STK32A: variants seen among roughly 807,000 people sequenced by gnomAD.
STK32A encodes the protein serine/threonine-protein kinase 32A.
Under a neutral mutation model 53.2 loss-of-function variants are expected in STK32A, and 41 were observed. The observed-to-expected ratio is 0.77, with a 90% CI of 0.60 to 1.00. STK32A has a LOEUF of 1.00. Ranked by LOEUF, STK32A falls within the 50% of genes least tolerant of loss-of-function variation. The pLI, the probability that STK32A is intolerant of heterozygous loss-of-function variation, is 0.00. For synonymous variants in STK32A, 166 were observed against 162.8 expected, an observed-to-expected ratio of 1.02 and a Z score of -0.15; for missense variants, 458 against 485.8, an observed-to-expected ratio of 0.94 and a Z score of 0.54.
At chr5:147,336,127 C>A (rs538979257) in intron 5 of STK32A, among the ~76,000 whole-genome samples, 21 of 152,184 alleles carry the variant, frequency 1.4e-4, no homozygotes, top group South Asian at 6.2e-4. Flanking sequence ...ACTCATGCAA[C>A]CTAAAGCATA....
intron 7 of STK32A, among the ~76,000 whole-genome samples, chr5:147,360,498 A>AG (rs557565422): frequency 6.6e-6 from 1 of 151,658 alleles, no homozygotes; most frequent in Non-Finnish European, 1.5e-5. Flanking sequence ...AAAGAAAGAA[A>AG]AAAAAGGAAA....
At chr5:147,324,103 G>C (rs371920871) in intron 5 of STK32A, 32 bp downstream of exon 5, 1 of 1,557,270 alleles carries the variant, frequency 6.4e-7, no homozygotes, top group East Asian at 2.3e-5. Context: ...GGCCATGAAC[G>C]TAACGCAAGG....
chr5:147,274,545 C>T lies in STK32A; in HGVS notation c.53-3579C>T, dbSNP rs556153091. On this transcript the variant is annotated intron_variant, in intron 2 of 12. Transcript: ENST00000397936. ...ACACCACACCAGAGACTATGAAAAC[C>T]CCAAATGTATTGAAATGATGCTGAT... Among the ~76,000 whole-genome samples the T allele has an allele frequency of 2.6e-5, 4 of 152,242 alleles. No individual in the cohort carries two copies. The South Asian group carries it at 8.3e-4, about 32-fold the overall frequency.
chr5:147,398,059 C>T, the STK32A span, among the ~76,000 whole-genome samples: 298 of 152,214 alleles, frequency 2.0e-3, 1 homozygote, highest in African/African-American at 6.9e-3. Flanking sequence ...AGTGTCCGGT[C>T]TTTAATAAGG....
At chr5:147,364,844 A>G (rs573074184) in intron 8 of STK32A, among the ~76,000 whole-genome samples, 1 of 152,336 alleles carries the variant, frequency 6.6e-6, no homozygotes, top group African/African-American at 2.4e-5. Flanking sequence ...AAGGTTAGGG[A>G]TTAAATTTAG....
At chr5:147,305,013 C>T (rs1488242600) in intron 4 of STK32A, among the ~76,000 whole-genome samples, 1 of 151,650 alleles carries the variant, frequency 6.6e-6, no homozygotes, top group Non-Finnish European at 1.5e-5. Flanking sequence ...TGGGAGGATC[C>T]CTTGGGCCAG....
At chr5:147,388,562 C>T (rs1757728359), downstream of STK32A, among the ~76,000 whole-genome samples, 1 of 152,192 alleles carries the variant, frequency 6.6e-6, no homozygotes. Flanking sequence ...TGAAAAGTAC[C>T]AGCCTTAAGC....
chr5:147,274,166 A>C (rs1163042233), intron 2 of STK32A, among the ~76,000 whole-genome samples: 1 of 152,250 alleles, frequency 6.6e-6, no homozygotes, highest in African/African-American at 2.4e-5. Context: ...AGGATACTGT[A>C]CAGATACAAT....
chr5:147,381,449 C>T (rs1193955900), intron 11 of STK32A, among the ~76,000 whole-genome samples: 1 of 152,006 alleles, frequency 6.6e-6, no homozygotes, highest in African/African-American at 2.4e-5. Flanking sequence ...TTGAGATCAG[C>T]CTGGCCAACA....
rs755549947 is a variant in STK32A, at chr5:147,279,321, G to A, written c.183G>A (p.Glu61=). 20 of 1,613,732 alleles carry A rather than the reference G, an allele frequency of 1.2e-5. No individual in the cohort carries two copies. The highest frequency in any genetic ancestry group is 1.6e-5 in the Non-Finnish European group (19 of 1,179,840). Residue 61 remains glutamate (E), a synonymous_variant, in exon 4 of 13, where the codon GAG becomes GAA. Transcript: ENST00000397936. The stretch of plus-strand genomic sequence containing the variant: ...ACATGAATAAACAAAAGTGCGTGGA[G>A]CGCAATGAAGTGAGAAATGTCTTCA... The part of the protein sequence containing the change: ...MKYMNKQKCV[E]RNEVRNVFKE...
intron 2 of STK32A, among the ~76,000 whole-genome samples, 159 bp from the exon 3 acceptor site, chr5:147,277,965 G>A (rs1334757339): frequency 2.0e-5 from 3 of 152,152 alleles, no homozygotes; most frequent in African/African-American, 7.2e-5. Flanking sequence ...CATAGTAAGT[G>A]TTCAACAGAT....
At chr5:147,239,081 G>C (rs992219285) in intron 1 of STK32A, among the ~76,000 whole-genome samples, 1 of 152,108 alleles carries the variant, frequency 6.6e-6, no homozygotes, top group African/African-American at 2.4e-5. Context: ...TTGCTGGTGT[G>C]GTCAAGTCCA....
At chr5:147,314,680 T>C (rs1753900148) in intron 4 of STK32A, among the ~76,000 whole-genome samples, 1 of 151,464 alleles carries the variant, frequency 6.6e-6, no homozygotes, top group African/African-American at 2.4e-5. Flanking sequence ...TACTAAACAT[T>C]AGAGAAATGC....
rs1753493222 is a variant in STK32A, at chr5:147,239,923, G to A, written c.52+237G>A. The stretch of plus-strand genomic sequence containing the variant: ...ACTATACCAATGTCCTTTGTCCAAA[G>A]GGAGCTGCAGTTGGGCATGTGGTGG... On this transcript the variant is annotated intron_variant, in intron 2 of 12. Transcript: ENST00000397936. 4.2e-6 allele frequency: 2 copies of A among 477,706 alleles called. 1 individual carries two copies. Among genetic ancestry groups the A allele is most frequent in the South Asian group, 6.1e-5 (2 of 33,004 alleles). The allele number at this position is 477,706 out of a possible 1,614,324, so 29.6% of individuals were successfully genotyped here.
intron 7 of STK32A, among the ~76,000 whole-genome samples, chr5:147,357,960 C>T (rs771606822): frequency 3.1e-4 from 47 of 151,976 alleles, no homozygotes; most frequent in Admixed American, 7.9e-4. Context: ...ACATGGGATG[C>T]GGGACTCTTT....
chr5:147,242,456 G>A (rs548140919), intron 2 of STK32A, among the ~76,000 whole-genome samples: 2 of 152,194 alleles, frequency 1.3e-5, no homozygotes, highest in Admixed American at 1.3e-4. Flanking sequence ...GCCTTAAAGT[G>A]CCACCAAGGA....
intron 4 of STK32A, among the ~76,000 whole-genome samples, chr5:147,311,618 G>A (rs1167280597): frequency 3.9e-5 from 6 of 152,282 alleles, no homozygotes; most frequent in Non-Finnish European, 5.9e-5. Context: ...CCAGACTGGA[G>A]TACAGTGGTA....
chr5:147,279,443 C>T (rs772031118), intron 4 of STK32A, 45 bp downstream of exon 4: 52 of 1,531,112 alleles, frequency 3.4e-5, no homozygotes, highest in Middle Eastern at 1.7e-4. Flanking sequence ...CTCCTGTTAT[C>T]GGTGGGCTAG....
chr5:147,316,358 A>T (rs1753990879), intron 4 of STK32A, among the ~76,000 whole-genome samples: 1 of 152,208 alleles, frequency 6.6e-6, no homozygotes, highest in Non-Finnish European at 1.5e-5. Context: ...CACTTCTGTC[A>T]CCCAGATTGT....
Sources: allele counts gnomAD v4.1 joint callset (sites outside exome capture counted in the v4.1 genomes callset), GRCh38; gene constraint gnomAD v4.1.1; transcripts MANE v1.5; gene names NCBI Gene and HGNC (gene_info 2026-07-23, HGNC 2026-07-21).